PAPLN: variants seen among roughly 807,000 people sequenced by gnomAD.
The protein encoded by PAPLN is papilin, proteoglycan like sulfated glycoprotein.
A neutral mutation model predicts 159.0 loss-of-function variants in PAPLN; 146 were observed. The ratio of observed to expected loss-of-function variants is 0.92; its 90% CI spans 0.80 to 1.05. The LOEUF (loss-of-function observed/expected upper bound fraction) is 1.05. PAPLN is among the 50% of genes least tolerant of loss of function. The probability of loss-of-function intolerance (pLI) is 0.00; values close to 1 mark genes in which losing one functional copy is unlikely to be tolerated. For missense variants in PAPLN, 1,720 were observed against 1,743.9 expected (o/e 0.99, Z 0.24); for synonymous variants, 734 against 702.9 (o/e 1.04, Z -0.70).
Position 73,268,045 on chromosome 14 carries a change from C to T in PAPLN, c.3501-512C>T, listed in dbSNP as rs556811630. ...CCTCTCTCCCTAACTCCACTGGACA[C>T]CTTGCAGTCTTTACGTGACCTGTAG... On this transcript the variant is annotated intron_variant, in intron 25 of 26. Transcript: ENST00000644200. Among the ~76,000 whole-genome samples, 11 of 152,082 alleles carry T rather than the reference C, an allele frequency of 7.2e-5. No homozygotes were observed. In the South Asian group the frequency reaches 1.9e-3, roughly 26 times the overall value.
In PAPLN at chr14:73,252,137, C is replaced by CGG; in HGVS notation, c.964_965dup (p.Gly323GlufsTer150). On this transcript the variant is annotated frameshift_variant, in exon 10 of 27. Transcript: ENST00000644200. LOFTEE classifies it high-confidence loss of function. The stretch of plus-strand genomic sequence containing the variant: ...GGAGTGACTGCAGCGCGGAGTGTGG[C>CGG]GGAGGTGCGGGCGTGGATGGCCCAG... 1 of 1,600,516 alleles carries CGG rather than the reference C, an allele frequency of 6.2e-7. No individual in the cohort carries two copies. Among genetic ancestry groups the CGG allele is most frequent in the Non-Finnish European group, 8.5e-7 (1 of 1,173,556 alleles).
At chr14:73,239,693 G>A in intron 1 of PAPLN, 80 bp from the exon 2 acceptor site, 1 of 1,525,850 alleles carries the variant, frequency 6.6e-7, no homozygotes, top group Non-Finnish European at 8.8e-7. Context: ...CATAGGGAGA[G>A]ACGCGCCCAC....
chr14:73,240,734 G>T lies in PAPLN; in HGVS notation c.54+902G>T, dbSNP rs147566075. Among the ~76,000 whole-genome samples the T allele has an allele frequency of 1.1e-3, 170 of 152,356 alleles. 3 individuals carry two copies. The highest frequency in any genetic ancestry group is 3.8e-3 in the African/African-American group (160 of 41,576). On this transcript the variant is annotated intron_variant, in intron 2 of 26. Coordinates refer to ENST00000644200, the MANE Select transcript of PAPLN (RefSeq NM_001365906.3). ...TCATTAACAGGGGCCCAAAGGCCAG[G>T]GCTCTCTGGAGAAGGTCCCTGGGTC...
In PAPLN at chr14:73,270,331, T is replaced by C. The variant is rs570185258; in HGVS notation, c.3667+1608T>C. ...GGGGAACATGGTGGCGCCCGAAAAC[T>C]CGGAGATGCCAGCAACCGCGGAGCC... On this transcript the variant is annotated intron_variant, in intron 26 of 26. Transcript: ENST00000644200. Among the ~76,000 whole-genome samples, 573 of 152,266 alleles carry C rather than the reference T, an allele frequency of 3.8e-3. 3 individuals carry two copies. Among genetic ancestry groups the C allele is most frequent in the African/African-American group, 0.013 (539 of 41,530 alleles).
At chr14:73,249,895 T>C in intron 5 of PAPLN, 89 bp from the exon 6 acceptor site, 1 of 1,427,952 alleles carries the variant, frequency 7.0e-7, no homozygotes, top group Non-Finnish European at 9.2e-7. Context: ...TTCTGACCCA[T>C]GCTTTCCTGT....
chr14:73,252,282 G>A, intron 10 of PAPLN, 141 bp downstream of exon 10: 1 of 1,333,698 alleles, frequency 7.5e-7, no homozygotes, highest in Non-Finnish European at 9.9e-7. Context: ...TCTGTGTTAT[G>A]GGGGTCGCTT....
At position 73,272,826 on chromosome 14, in the gene PAPLN, C is replaced by A; in HGVS notation, c.*162C>A. On this transcript the variant is annotated 3_prime_UTR_variant, in exon 27 of 27. Transcript: ENST00000644200. ...CCCAGTGTTTAGCCTCAACGGCAGC[C>A]AGTTACCAGCTTCTCTCTGTAGCCT... is the stretch of plus-strand genomic sequence containing the variant. 1 of 617,746 alleles carries A rather than the reference C, an allele frequency of 1.6e-6. No individual in the cohort carries two copies. The highest frequency in any genetic ancestry group is 2.4e-6 in the Non-Finnish European group (1 of 411,702). The allele number at this position is 617,746 out of a possible 1,614,324, so 38.3% of individuals were successfully genotyped here.
intron 14 of PAPLN, among the ~76,000 whole-genome samples, chr14:73,258,060 G>A (rs545548999): frequency 7.4e-4 from 113 of 152,112 alleles, no homozygotes; most frequent in Admixed American, 5.2e-4. Flanking sequence ...CCCGTGCTTC[G>A]CTCATTATCT....
rs570928856 is a variant in PAPLN, at chr14:73,265,555, C to T, written c.3263+48C>T. ...TCCTCCTATTCTGCCTCCAGCCCCA[C>T]CTTATCCTATGGAGGCCACCGGGGA... is the stretch of plus-strand genomic sequence containing the variant. On this transcript the variant is annotated intron_variant, in intron 23 of 26. Coordinates refer to ENST00000644200, the MANE Select transcript of PAPLN (RefSeq NM_001365906.3). This position sits in a 1 kb window ranked among gnomAD's most constrained non-coding sequence, Gnocchi z 4.1. 6.3e-7 allele frequency: 1 copy of T among 1,596,268 alleles called. No individual in the cohort carries two copies.
At chr14:73,261,855 G>A (rs1359733006) in intron 18 of PAPLN, among the ~76,000 whole-genome samples, 1 of 152,162 alleles carries the variant, frequency 6.6e-6, no homozygotes, top group African/African-American at 2.4e-5. Context: ...ATGCTGGCGA[G>A]GGCTGCTGGA....
At chr14:73,267,092 C>T (rs887690142) in intron 25 of PAPLN, among the ~76,000 whole-genome samples, 54 of 152,168 alleles carry the variant, frequency 3.5e-4, no homozygotes, top group African/African-American at 1.3e-3. Context: ...GTTTTGGTTG[C>T]TGAGGGCTGT....
intron 11 of PAPLN, among the ~76,000 whole-genome samples, chr14:73,253,388 G>A (rs1029145947): frequency 5.3e-5 from 8 of 152,336 alleles, no homozygotes; most frequent in South Asian, 2.1e-4. Flanking sequence ...TGGCAGAGCC[G>A]CTCCACGCAT....
In PAPLN at chr14:73,251,015, A is replaced by G; in HGVS notation, c.574A>G (p.Asn192Asp). ...CCCCGTCGCAGGCACCTTTGACGCT[A>G]ATGACCTCAGCCGAGGTGGGGGTGG... ...CYPVAGTFDANDLSRGYNQIL... is the reference protein window; with the variant it reads ...CYPVAGTFDADDLSRGYNQIL... The change falls in exon 7 of 27, where the codon AAT (asparagine) becomes GAT (aspartate). Residue 192 changes from asparagine (N) to aspartate (D), a missense_variant. By Grantham distance (23) the Asn-to-Asp change is conservative (BLOSUM62 1). Coordinates refer to ENST00000644200, the MANE Select transcript of PAPLN (RefSeq NM_001365906.3). 6.2e-7 allele frequency: 1 copy of G among 1,612,612 alleles called. No homozygotes were observed. Among genetic ancestry groups the G allele is most frequent in the Non-Finnish European group, 8.5e-7 (1 of 1,179,398 alleles).
At chr14:73,251,187 C>T (rs1172720203) in intron 7 of PAPLN, among the ~76,000 whole-genome samples, 157 bp downstream of exon 7, 1 of 152,178 alleles carries the variant, frequency 6.6e-6, no homozygotes, top group Non-Finnish European at 1.5e-5. Flanking sequence ...CCCCCTGTGG[C>T]CTTTGGTTAG....
chr14:73,268,433 C>T, intron 25 of PAPLN, 124 bp from the exon 26 acceptor site: 1 of 996,816 alleles, frequency 1.0e-6, no homozygotes, highest in South Asian at 1.7e-5. Context: ...TCCCTGTCCT[C>T]CACCTGTTTG....
In PAPLN at chr14:73,274,424, A is replaced by G. The variant is rs1016036443; in HGVS notation, c.*1760A>G. The G allele has an allele frequency of 6.6e-6, 1 of 152,188 alleles. No homozygotes were observed. Among genetic ancestry groups the G allele is most frequent in the African/African-American group, 2.4e-5 (1 of 41,448 alleles). 9.4% of individuals were successfully genotyped at this position (152,188 alleles called of 1,614,324 possible). ...CTCTGAAAGGTGACTTTTATTACCA[A>G]CACACTGGCTGGAAAAGGGACAAAC... On this transcript the variant is annotated 3_prime_UTR_variant, in exon 27 of 27. Transcript: ENST00000644200.
At position 73,244,708 on chromosome 14, in the gene PAPLN, G is replaced by A. The variant is rs759636934; in HGVS notation, c.119G>A (p.Arg40Gln). ...GPWSQWSPCS[R>Q]TCGGGVSFRE... ...TGGAGCCAGTGGAGCCCCTGCAGCC[G>A]GACCTGTGGAGGGGGTGTCAGCTTC... is the stretch of plus-strand genomic sequence containing the variant. Residue 40 changes from arginine to glutamine, a missense_variant, in exon 3 of 27, where the codon CGG (arginine) becomes CAG (glutamine). Arg to Gln is a conservative substitution (Grantham distance 43). Coordinates refer to ENST00000644200, the MANE Select transcript of PAPLN (RefSeq NM_001365906.3). 5.6e-6 allele frequency: 9 copies of A among 1,598,514 alleles called. No homozygotes were observed. Among genetic ancestry groups the A allele is most frequent in the South Asian group, 2.3e-5 (2 of 88,076 alleles).
rs757229829 is a variant in PAPLN at position 73,254,682 on chromosome 14, G to T, written c.1472G>T (p.Gly491Val). The T allele has an allele frequency of 6.2e-7, 1 of 1,613,730 alleles. No individual in the cohort carries two copies. Among genetic ancestry groups the T allele is most frequent in the South Asian group, 1.1e-5 (1 of 91,050 alleles). ...CTCAGTGACCAGGCCTGGCATGTTG[G>T]CACCTGGGGTCTAGTGAGTGCTCTC... ...PLLSDQAWHV[G>V]TWGLCSKSCS... Residue 491 changes from glycine (G) to valine (V), a missense_variant, in exon 13 of 27, where the codon GGC (glycine) becomes GTC (valine). Transcript: ENST00000644200.
In PAPLN at chr14:73,259,350, G is replaced by A; in HGVS notation, c.1790G>A (p.Gly597Asp). The A allele has an allele frequency of 1.2e-6, 2 of 1,611,596 alleles. No homozygotes were observed. The highest frequency in any genetic ancestry group is 1.7e-6 in the Non-Finnish European group (2 of 1,178,842). ...AGGGGAGAACGAGGTGACCCCAGGG[G>A]CGACCAAGGCACCCACCTGTCAGCC... ...DHRGERGDPR[G>D]DQGTHLSALG... Residue 597 changes from glycine to aspartate, a missense_variant, in exon 16 of 27, where the codon GGC (glycine) becomes GAC (aspartate). Physicochemically the swap from Gly to Asp is moderately conservative, Grantham distance 94. Coordinates refer to ENST00000644200, the MANE Select transcript of PAPLN (RefSeq NM_001365906.3).
Sources: allele counts gnomAD v4.1 joint callset (sites outside exome capture counted in the v4.1 genomes callset), GRCh38; gene constraint gnomAD v4.1.1; non-coding constraint Gnocchi (gnomAD v3.1); transcripts MANE v1.5; gene names NCBI Gene and HGNC (gene_info 2026-07-23, HGNC 2026-07-21).